Variants in KDM4D observed in about 807,000 individuals in gnomAD.
KDM4D encodes lysine demethylase 4D, also known as lysine-specific demethylase 4D.
For missense variants in KDM4D, 427 were observed against 674.8 expected (o/e 0.63, Z 4.07); for synonymous variants, 254 against 249.1 (o/e 1.02, Z -0.19).
chr11:94,997,421 A>G lies in KDM4D; in HGVS notation c.49A>G (p.Asn17Asp). The change falls in exon 3 of 3, where the codon AAC (asparagine) becomes GAC (aspartate). Residue 17 changes from asparagine (N) to aspartate (D), a missense_variant. Coordinates refer to ENST00000335080, the MANE Select transcript of KDM4D (RefSeq NM_018039.3). ...CAACTGTGCCCAGAATCCAAATTGTAACATAATGATATTTCATCCAACCAA... is the reference window on the plus strand; with the variant it reads ...CAACTGTGCCCAGAATCCAAATTGTGACATAATGATATTTCATCCAACCAA... ...KANCAQNPNC[N>D]IMIFHPTKEE... The G allele has an allele frequency of 6.2e-7, 1 of 1,612,692 alleles. No individual in the cohort carries two copies. Among genetic ancestry groups the G allele is most frequent in the Non-Finnish European group, 8.5e-7 (1 of 1,179,270 alleles).
At chr11:94,977,018 T>G (rs1857803147) in intron 2 of KDM4D, among the ~76,000 whole-genome samples, 1 of 152,092 alleles carries the variant, frequency 6.6e-6, no homozygotes, top group Admixed American at 6.6e-5. Context: ...GTAATGCCTA[T>G]AACATATAAA....
At chr11:94,980,733 G>GT (rs1565417343) in intron 2 of KDM4D, among the ~76,000 whole-genome samples, 1 of 152,084 alleles carries the variant, frequency 6.6e-6, no homozygotes, top group African/African-American at 2.4e-5. Flanking sequence ...TTGCTGGTGT[G>GT]TAGAAATATC....
At chr11:94,985,325 C>T (rs1270156701) in intron 2 of KDM4D, among the ~76,000 whole-genome samples, 1 of 151,994 alleles carries the variant, frequency 6.6e-6, no homozygotes. Context: ...AATGTGAAAA[C>T]GAAATTTAGA....
intron 2 of KDM4D, among the ~76,000 whole-genome samples, chr11:94,988,516 T>C (rs188145315): frequency 3.9e-5 from 6 of 152,184 alleles, no homozygotes; most frequent in East Asian, 1.9e-4. Context: ...TGTAAAGAAA[T>C]ATGAGGAAGT....
chr11:94,984,192 T>C (rs1857865376), intron 2 of KDM4D, among the ~76,000 whole-genome samples: 2 of 152,140 alleles, frequency 1.3e-5, no homozygotes, highest in Non-Finnish European at 2.9e-5. Flanking sequence ...TAATGTTGAA[T>C]TTAAAAATTG....
At chr11:94,984,676 T>G in intron 2 of KDM4D, among the ~76,000 whole-genome samples, 2 of 130,986 alleles carry the variant, frequency 1.5e-5, no homozygotes, top group Non-Finnish European at 3.2e-5. Flanking sequence ...ACCAACATGG[T>G]GAAACCCCAT....
chr11:94,999,067 C>A lies in KDM4D; in HGVS notation c.*123C>A. 1.1e-6 allele frequency: 1 copy of A among 896,254 alleles called. No individual in the cohort carries two copies. The highest frequency in any genetic ancestry group is 1.6e-6 in the Non-Finnish European group (1 of 640,174). 55.5% of individuals were successfully genotyped at this position (896,254 alleles called of 1,614,324 possible). On this transcript the variant is annotated 3_prime_UTR_variant, in exon 3 of 3. Transcript: ENST00000335080. ...CTCTAGGCATGCATGAAAGAGCCCC[C>A]CTGGTGATGCCCTTGGATGCTGCCA... is the stretch of plus-strand genomic sequence containing the variant.
At chr11:94,978,223 C>G (rs1456901189) in intron 2 of KDM4D, among the ~76,000 whole-genome samples, 3 of 152,100 alleles carry the variant, frequency 2.0e-5, no homozygotes, top group Non-Finnish European at 4.4e-5. Flanking sequence ...ACTAAACTCT[C>G]ATTTACCAAG....
In KDM4D at chr11:94,998,593, C is replaced by G; in HGVS notation, c.1221C>G (p.Arg407=). ...CCCTTGTGTGCTCTTCACTCCCACG[C>G]CGATCTGCAGTTAGTGGCACTGCTA... ...CHTLVCSSLP[R]RSAVSGTATQ... is the part of the protein sequence containing the mutation. The change falls in exon 3 of 3, where the codon CGC becomes CGG. Residue 407 remains arginine, a synonymous_variant. Transcript: ENST00000335080. This position sits in a 1 kb window ranked among gnomAD's most constrained non-coding sequence, Gnocchi z 6.7. 6.2e-7 allele frequency: 1 copy of G among 1,614,032 alleles called. No homozygotes were observed. Among genetic ancestry groups the G allele is most frequent in the Admixed American group, 1.7e-5 (1 of 60,034 alleles).
chr11:94,987,804 TGAAAG>T (rs1169489672), intron 2 of KDM4D, among the ~76,000 whole-genome samples: 1 of 151,596 alleles, frequency 6.6e-6, no homozygotes, highest in African/African-American at 2.4e-5. Flanking sequence ...AAATATATGA[TGAAAG>T]GAATATTCAG....
intron 2 of KDM4D, among the ~76,000 whole-genome samples, chr11:94,983,212 C>T (rs1302268841): frequency 4.0e-5 from 6 of 151,140 alleles, no homozygotes; most frequent in African/African-American, 1.5e-4. Context: ...TGTAACTTAG[C>T]ATATGTGAGA....
intron 2 of KDM4D, among the ~76,000 whole-genome samples, chr11:94,980,970 A>G (rs190930126): frequency 3.2e-4 from 48 of 152,262 alleles, no homozygotes; most frequent in African/African-American, 1.1e-3. Flanking sequence ...GCTGATAGCA[A>G]GCATCCTTGT....
At chr11:94,978,386 A>T (rs1857816300) in intron 2 of KDM4D, among the ~76,000 whole-genome samples, 1 of 152,246 alleles carries the variant, frequency 6.6e-6, no homozygotes, top group African/African-American at 2.4e-5. Context: ...TTTTAACCTG[A>T]AAATGACACA....
At chr11:94,992,874 A>C (rs1401317413) in intron 2 of KDM4D, among the ~76,000 whole-genome samples, 5 of 152,214 alleles carry the variant, frequency 3.3e-5, no homozygotes, top group African/African-American at 1.2e-4. Flanking sequence ...TATGCTTATA[A>C]ATTATTTTAA....
intron 2 of KDM4D, among the ~76,000 whole-genome samples, chr11:94,991,805 A>T: frequency 6.6e-6 from 1 of 151,782 alleles, no homozygotes; most frequent in Non-Finnish European, 1.5e-5. Flanking sequence ...AAAGAACTAA[A>T]AAAAAAAAAA....
chr11:94,980,825 T>C (rs944346997), intron 2 of KDM4D, among the ~76,000 whole-genome samples: 2 of 152,188 alleles, frequency 1.3e-5, no homozygotes, highest in Non-Finnish European at 2.9e-5. Flanking sequence ...TTCAGAGATC[T>C]TTCAGATTTT....
At chr11:94,974,150 G>A (rs1315919122) in intron 1 of KDM4D, 82 bp downstream of exon 1, 2 of 152,198 alleles carry the variant, frequency 1.3e-5, no homozygotes, top group Non-Finnish European at 2.9e-5. Flanking sequence ...TTTAAAAAAC[G>A]TTAGTTTTAG....
chr11:94,996,931 T>C (rs1161808791), intron 2 of KDM4D, 93 bp from the exon 3 acceptor site: 1 of 152,926 alleles, frequency 6.5e-6, no homozygotes, highest in Admixed American at 6.5e-5. Context: ...CCTCTCTTTG[T>C]AATATTATTA....
At chr11:94,995,573 T>G (rs1185022899) in intron 2 of KDM4D, among the ~76,000 whole-genome samples, 1 of 152,034 alleles carries the variant, frequency 6.6e-6, no homozygotes, top group African/African-American at 2.4e-5. Context: ...GAGAAACAGT[T>G]TGAAGTTGAA....
Sources: allele counts gnomAD v4.1 joint callset (sites outside exome capture counted in the v4.1 genomes callset), GRCh38; gene constraint gnomAD v4.1.1; non-coding constraint Gnocchi (gnomAD v3.1); transcripts MANE v1.5; gene names NCBI Gene and HGNC (gene_info 2026-07-23, HGNC 2026-07-21).